Variants in CSMD1 observed in about 807,000 individuals in gnomAD.
CSMD1 encodes the protein CUB and sushi domain-containing protein 1.
A neutral mutation model predicts 417.5 loss-of-function variants in CSMD1; 213 were observed. The observed-to-expected ratio is 0.51, with a 90% CI of 0.46 to 0.57. CSMD1 has a LOEUF of 0.57. CSMD1 is among the 20% of genes least tolerant of loss of function. CSMD1 has a pLI of 0.00. For synonymous variants in CSMD1, 2,862 were observed against 1,736.8 expected (o/e 1.65, Z -16.11); for missense variants, 6,923 against 4,529.7 (o/e 1.53, Z -15.17).
At chr8:4,786,790 C>CA (rs1428360029) in intron 1 of CSMD1, among the ~76,000 whole-genome samples, 1 of 151,976 alleles carries the variant, frequency 6.6e-6, no homozygotes, top group Non-Finnish European at 1.5e-5. Context: ...AGCATGCATA[C>CA]ATAGATTTGT....
At chr8:3,921,409 T>G (rs1809253254) in intron 5 of CSMD1, among the ~76,000 whole-genome samples, 1 of 152,140 alleles carries the variant, frequency 6.6e-6, no homozygotes. Flanking sequence ...ATTATCTAAC[T>G]TGTATTATTT....
At position 2,942,478 on chromosome 8, in the gene CSMD1, T is replaced by C; in HGVS notation, c.10529A>G (p.Lys3510Arg). 1 of 1,612,750 alleles carries C rather than the reference T, an allele frequency of 6.2e-7. No homozygotes were observed. The highest frequency in any genetic ancestry group is 8.5e-7 in the Non-Finnish European group (1 of 1,179,232). ...ILSGFAFYLYKHRTRPKVQYN... is the reference protein window; with the variant it reads ...ILSGFAFYLYRHRTRPKVQYN... ...GATGGTGTTTCTGCAGTACCTGTGT[T>C]TGTAGAGGTAAAATGCAAACCCTGA... is the stretch of plus-strand genomic sequence containing the variant. Residue 3510 changes from lysine (K) to arginine (R), a missense_variant, in exon 69 of 70, where the codon AAA (lysine) becomes AGA (arginine). Physicochemically the swap from Lys to Arg is conservative, Grantham distance 26. Coordinates refer to ENST00000635120, the MANE Select transcript of CSMD1 (RefSeq NM_033225.6).
Position 3,978,995 on chromosome 8 carries a change from T to C in CSMD1, c.818+18908A>G, listed in dbSNP as rs138612119. 6.6e-5 allele frequency among the ~76,000 whole-genome samples: 10 copies of C among 152,262 alleles called. No individual in the cohort carries two copies. In the East Asian group the frequency reaches 1.5e-3, roughly 24 times the overall value. On this transcript the variant is annotated intron_variant, in intron 5 of 69. Coordinates refer to ENST00000635120, the MANE Select transcript of CSMD1 (RefSeq NM_033225.6). ...CCTAGAAGCTTGCATTTTACAACAATTGGAAAATCAGAAAAAGAACAAAGA... is the reference window on the plus strand; with the variant it reads ...CCTAGAAGCTTGCATTTTACAACAACTGGAAAATCAGAAAAAGAACAAAGA...
intron 7 of CSMD1, among the ~76,000 whole-genome samples, chr8:3,667,756 C>T (rs1038225485): frequency 6.6e-6 from 1 of 152,166 alleles, no homozygotes; most frequent in African/African-American, 2.4e-5. Flanking sequence ...TTCTGAAAAG[C>T]AACCTTCAGG....
At chr8:4,682,859 CTAAA>C (rs1289962549) in intron 1 of CSMD1, among the ~76,000 whole-genome samples, 2 of 149,900 alleles carry the variant, frequency 1.3e-5, no homozygotes, top group Non-Finnish European at 3.0e-5. Flanking sequence ...CCAAAGACTA[CTAAA>C]TAGTGACTAC....
At chr8:4,706,916 C>A (rs564043688) in intron 1 of CSMD1, among the ~76,000 whole-genome samples, 1 of 152,196 alleles carries the variant, frequency 6.6e-6, no homozygotes, top group Non-Finnish European at 1.5e-5. Flanking sequence ...GCTTCTGATT[C>A]ATGAAACTAT....
At chr8:4,175,043 C>G (rs538642474) in intron 3 of CSMD1, among the ~76,000 whole-genome samples, 7 of 151,730 alleles carry the variant, frequency 4.6e-5, no homozygotes, top group Admixed American at 2.6e-4. Context: ...ACATTCCTTT[C>G]TAAGTGAACC....
At chr8:3,224,810 G>C (rs1405822315) in intron 27 of CSMD1, among the ~76,000 whole-genome samples, 1 of 152,170 alleles carries the variant, frequency 6.6e-6, no homozygotes, top group African/African-American at 2.4e-5. Context: ...TTATTTGTGA[G>C]ATAAGGTTTC....
intron 3 of CSMD1, among the ~76,000 whole-genome samples, chr8:4,308,594 A>G (rs1476903544): frequency 6.6e-6 from 1 of 152,198 alleles, no homozygotes; most frequent in Admixed American, 6.5e-5. Context: ...GCTCCTTAGA[A>G]TAATGGAGAG....
At chr8:3,077,528 C>A (rs566798578) in intron 49 of CSMD1, among the ~76,000 whole-genome samples, 3 of 152,240 alleles carry the variant, frequency 2.0e-5, no homozygotes, top group African/African-American at 7.2e-5. Context: ...CTCATCCTGG[C>A]TGGCAGGTCC....
chr8:3,786,296 G>A (rs973996092), intron 5 of CSMD1, among the ~76,000 whole-genome samples: 1 of 152,160 alleles, frequency 6.6e-6, no homozygotes, highest in Non-Finnish European at 1.5e-5. Context: ...GAAGAGACCT[G>A]AGGGTGGAGA....
intron 2 of CSMD1, among the ~76,000 whole-genome samples, chr8:4,574,963 A>T (rs1296882506): frequency 6.6e-6 from 1 of 152,226 alleles, no homozygotes; most frequent in Non-Finnish European, 1.5e-5. Context: ...AATGACCTCT[A>T]TGAAATTCAG....
At chr8:4,229,232 G>C (rs746261384) in intron 3 of CSMD1, among the ~76,000 whole-genome samples, 1 of 152,114 alleles carries the variant, frequency 6.6e-6, no homozygotes, top group African/African-American at 2.4e-5. Context: ...GGCCAATTTG[G>C]CTAGTCCTAC....
At chr8:4,868,854 T>C (rs1802570585) in intron 1 of CSMD1, among the ~76,000 whole-genome samples, 1 of 151,904 alleles carries the variant, frequency 6.6e-6, no homozygotes, top group Non-Finnish European at 1.5e-5. Flanking sequence ...TGATAACCAA[T>C]TTCAGATGAT....
intron 1 of CSMD1, among the ~76,000 whole-genome samples, chr8:4,710,464 TTA>T (rs10660998): frequency 4.5e-4 from 65 of 144,810 alleles, no homozygotes; most frequent in African/African-American, 3.8e-4. Flanking sequence ...TAATGGAATA[TTA>T]TATATATATA....
chr8:3,328,854 C>G (rs1806707317), intron 23 of CSMD1, among the ~76,000 whole-genome samples: 1 of 152,188 alleles, frequency 6.6e-6, no homozygotes, highest in African/African-American at 2.4e-5. Context: ...AGGCACTAAA[C>G]TCTTAGTAAT....
chr8:4,227,777 C>G (rs1187309072), intron 3 of CSMD1, among the ~76,000 whole-genome samples: 2 of 150,440 alleles, frequency 1.3e-5, no homozygotes, highest in African/African-American at 2.5e-5. Context: ...AATCCCAAAC[C>G]AGGAGACACA....
chr8:3,727,300 C>G (rs1339965665), intron 6 of CSMD1, among the ~76,000 whole-genome samples: 1 of 152,188 alleles, frequency 6.6e-6, no homozygotes, highest in Non-Finnish European at 1.5e-5. Context: ...GCAGTCAGCT[C>G]ATCTGCAGAG....
At chr8:4,694,393 C>G (rs1371417372) in intron 1 of CSMD1, among the ~76,000 whole-genome samples, 1 of 151,986 alleles carries the variant, frequency 6.6e-6, no homozygotes, top group African/African-American at 2.4e-5. Flanking sequence ...GCTCTGTCGC[C>G]CAGGCTAGAG....
Sources: allele counts gnomAD v4.1 joint callset (sites outside exome capture counted in the v4.1 genomes callset), GRCh38; gene constraint gnomAD v4.1.1; transcripts MANE v1.5; gene names NCBI Gene and HGNC (gene_info 2026-07-23, HGNC 2026-07-21).